Variants in EPM2A observed in about 807,000 individuals in gnomAD.
EPM2A encodes the protein laforin.
EPM2A carries 21 observed loss-of-function variants against 26.5 expected under a neutral mutation model. The observed-to-expected ratio is 0.79, with a 90% CI of 0.56 to 1.14. EPM2A has a LOEUF of 1.14. EPM2A is among the 50% of genes most tolerant of loss of function. The probability of loss-of-function intolerance (pLI) is 0.00; values close to 1 mark genes in which losing one functional copy is unlikely to be tolerated. For synonymous variants in EPM2A, 217 were observed against 177.6 expected (o/e 1.22, Z -1.76); for missense variants, 458 against 440.8 (o/e 1.04, Z -0.35).
At chr6:145,551,579 C>T (rs1753580476) in intron 2 of EPM2A, among the ~76,000 whole-genome samples, 1 of 152,030 alleles carries the variant, frequency 6.6e-6, no homozygotes, top group Admixed American at 6.6e-5. Context: ...ATGGGTTTTG[C>T]CCCAAATTTG....
chr6:145,576,669 G>C (rs1781036132), intron 2 of EPM2A, among the ~76,000 whole-genome samples: 1 of 152,100 alleles, frequency 6.6e-6, no homozygotes, highest in African/African-American at 2.4e-5. Context: ...AATATGAAAG[G>C]ATACTAGTGT....
chr6:145,469,970 A>G (rs1779452226), intron 4 of EPM2A, among the ~76,000 whole-genome samples: 1 of 152,160 alleles, frequency 6.6e-6, no homozygotes, highest in Non-Finnish European at 1.5e-5. Context: ...CTAAACATTA[A>G]AACAATTGAA....
intron 1 of EPM2A, among the ~76,000 whole-genome samples, chr6:145,722,104 T>G (rs909442081): frequency 6.6e-6 from 1 of 152,220 alleles, no homozygotes; most frequent in Admixed American, 6.5e-5. Flanking sequence ...GGAGATAGAA[T>G]GAGAAACTGT....
At chr6:145,722,800 AT>A (rs1359526347) in intron 1 of EPM2A, 2 of 446,052 alleles carry the variant, frequency 4.5e-6, no homozygotes, top group Middle Eastern at 3.3e-4. Flanking sequence ...ATAAGAAGAA[AT>A]TTGGGCACAG....
At chr6:145,515,392 G>A (rs912065653) in intron 2 of EPM2A, among the ~76,000 whole-genome samples, 1 of 152,098 alleles carries the variant, frequency 6.6e-6, no homozygotes, top group Non-Finnish European at 1.5e-5. Context: ...AGCCTGTTTG[G>A]TCTTCTGTAG....
intron 2 of EPM2A, among the ~76,000 whole-genome samples, chr6:145,655,755 T>G (rs1778229954): frequency 6.6e-6 from 1 of 151,838 alleles, no homozygotes; most frequent in African/African-American, 2.4e-5. Context: ...CCAAAAAAGC[T>G]AAAGGATATA....
At chr6:145,539,925 C>G (rs1439649306) in intron 2 of EPM2A, among the ~76,000 whole-genome samples, 1 of 152,180 alleles carries the variant, frequency 6.6e-6, no homozygotes, top group Non-Finnish European at 1.5e-5. Flanking sequence ...ATCCACCCAC[C>G]TTAAACATCC....
chr6:145,700,453 A>G (rs1360028426), intron 1 of EPM2A, among the ~76,000 whole-genome samples: 2 of 152,152 alleles, frequency 1.3e-5, no homozygotes, highest in Admixed American at 6.6e-5. Context: ...CATATGTTAA[A>G]AATAGATAAA....
At chr6:145,603,222 A>G (rs1476176560) in intron 2 of EPM2A, among the ~76,000 whole-genome samples, 1 of 152,030 alleles carries the variant, frequency 6.6e-6, no homozygotes, top group Non-Finnish European at 1.5e-5. Context: ...CAAACCTATG[A>G]AATTCTTTTT....
At chr6:145,733,747 C>A (rs1776636388) in intron 1 of EPM2A, among the ~76,000 whole-genome samples, 1 of 152,108 alleles carries the variant, frequency 6.6e-6, no homozygotes, top group Admixed American at 6.6e-5. Context: ...TGCTACCAGA[C>A]CATAAGCCCA....
intron 4 of EPM2A, among the ~76,000 whole-genome samples, chr6:145,478,547 A>T (rs1779569245): frequency 6.6e-6 from 1 of 151,840 alleles, no homozygotes; most frequent in Admixed American, 6.6e-5. Flanking sequence ...ACTATAGTAA[A>T]CAAAACAACA....
intron 2 of EPM2A, among the ~76,000 whole-genome samples, chr6:145,506,515 G>A (rs1779975806): frequency 6.6e-6 from 1 of 151,870 alleles, no homozygotes; most frequent in Non-Finnish European, 1.5e-5. Context: ...ACACAAGATA[G>A]AATGGTGTAC....
In EPM2A at chr6:145,384,357, C is replaced by A. The variant is rs1266054739; in HGVS notation, c.556-260G>T. Among the ~76,000 whole-genome samples, 5 of 120,406 alleles carry A rather than the reference C, an allele frequency of 4.2e-5. 1 individual carries two copies. The highest frequency in any genetic ancestry group is 1.3e-4 in the African/African-American group (4 of 31,934). 79.0% of individuals were successfully genotyped at this position (120,406 alleles called of 152,430 possible). ...GTTGTAAGTTGGATTTCTGGGAAAG[C>A]AGCCTCTGAGACACAGGGTTATTTT... On this transcript the variant is annotated intron_variant, in intron 4 of 4. Coordinates refer to the EPM2A transcript ENST00000638717.
At chr6:145,688,084 G>A (rs954882571) in intron 1 of EPM2A, among the ~76,000 whole-genome samples, 1 of 151,936 alleles carries the variant, frequency 6.6e-6, no homozygotes, top group Admixed American at 6.6e-5. Context: ...ATTGAGACAG[G>A]TACTGTGCTA....
intron 4 of EPM2A, among the ~76,000 whole-genome samples, chr6:145,438,922 TTC>T (rs1554236956): frequency 6.7e-6 from 1 of 148,876 alleles, no homozygotes; most frequent in East Asian, 2.0e-4. Context: ...AATAGTTTTT[TTC>T]TTCTTTTCTT....
At position 145,627,226 on chromosome 6, in the gene EPM2A, T is replaced by G; in HGVS notation, c.*190A>C. The stretch of plus-strand genomic sequence containing the variant: ...CTCATGTGTTGAGCCACAGCTTTCT[T>G]GTAGAGTATTTCAAAAATACAGCCC... On this transcript the variant is annotated 3_prime_UTR_variant, in exon 4 of 4. Coordinates refer to ENST00000367519, the MANE Select transcript of EPM2A (RefSeq NM_005670.4). 1 of 1,477,700 alleles carries G rather than the reference T, an allele frequency of 6.8e-7. No homozygotes were observed. Among genetic ancestry groups the G allele is most frequent in the Non-Finnish European group, 8.9e-7 (1 of 1,123,762 alleles). 91.5% of individuals were successfully genotyped at this position (1,477,700 alleles called of 1,614,324 possible).
intron 2 of EPM2A, among the ~76,000 whole-genome samples, chr6:145,591,850 T>C (rs181250271): frequency 7.2e-4 from 109 of 151,800 alleles, no homozygotes; most frequent in African/African-American, 2.2e-3. Context: ...ATAGTAACAA[T>C]ATACTAGATG....
chr6:145,623,042 C>G (rs184441367), downstream of EPM2A, among the ~76,000 whole-genome samples: 19 of 152,292 alleles, frequency 1.2e-4, no homozygotes, highest in East Asian at 1.9e-4. Flanking sequence ...TAGACTGATA[C>G]ATGTGAAGCA....
chr6:145,735,415 C>A lies in EPM2A; in HGVS notation c.84G>T (p.Glu28Asp). ...CACCGCGCGGCTCCCAACGCCCCAG[C>A]TCGGGCCGCGACCCCACCACCAGCA... The part of the protein sequence containing the change: ...PELLVVGSRP[E>D]LGRWEPRGAV... The change falls in exon 1 of 4, where the codon GAG becomes GAT. Residue 28 changes from glutamate to aspartate, a missense_variant. Transcript: ENST00000367519. 8.0e-7 allele frequency: 1 copy of A among 1,253,342 alleles called. No individual in the cohort carries two copies. Among genetic ancestry groups the A allele is most frequent in the Non-Finnish European group, 1.0e-6 (1 of 993,184 alleles). 77.6% of individuals were successfully genotyped at this position (1,253,342 alleles called of 1,614,324 possible). A position where few individuals can be genotyped will look rare whatever the true frequency, so the allele number is the denominator to read the frequency against.
Sources: gnomAD v4.1 joint callset for allele counts (sites outside exome capture counted in the v4.1 genomes callset) on GRCh38, gnomAD v4.1.1 for gene constraint, MANE v1.5 for transcripts, NCBI Gene and HGNC (gene_info 2026-07-23, HGNC 2026-07-21) for gene names.